ARFIP1: variants seen among roughly 807,000 people sequenced by gnomAD.
ARFIP1 encodes the protein ARF interacting protein 1, also known as arfaptin-1.
ARFIP1 carries 24 observed loss-of-function variants against 42.5 expected under a neutral mutation model. That is an observed-to-expected ratio of 0.57 (90% CI 0.41 to 0.80). ARFIP1 has a LOEUF of 0.80. Among genes scored for constraint, ARFIP1 ranks in the 30% least tolerant of loss-of-function variants. The pLI, the probability that ARFIP1 is intolerant of heterozygous loss-of-function variation, is 0.00. For synonymous variants in ARFIP1, 141 were observed against 153.7 expected (o/e 0.92, Z 0.61); for missense variants, 354 against 434.0 (o/e 0.82, Z 1.64).
At chr4:152,833,835 A>G (rs1166506876) in intron 2 of ARFIP1, among the ~76,000 whole-genome samples, 1 of 152,224 alleles carries the variant, frequency 6.6e-6, no homozygotes, top group Non-Finnish European at 1.5e-5. Flanking sequence ...AGTTGAATTC[A>G]TAGAAACAGA....
intron 1 of ARFIP1, among the ~76,000 whole-genome samples, chr4:152,795,820 A>ATTTTTTTTTTTTTTTTTTTTTTTTTT (rs56845391): frequency 3.2e-4 from 9 of 28,066 alleles, no homozygotes; most frequent in Admixed American, 6.2e-4. Context: ...GGCCCTTGTA[A>ATTTTTTTTTTTTTTTTTTTTTTTTTT]TTTTTTTTTT....
intron 2 of ARFIP1, among the ~76,000 whole-genome samples, chr4:152,840,663 G>T (rs1476839819): frequency 6.6e-6 from 1 of 151,728 alleles, no homozygotes; most frequent in Admixed American, 6.6e-5. Context: ...GTCTCCTGAA[G>T]GCAGCAGATG....
At chr4:152,819,303 C>T (rs557062209) in intron 1 of ARFIP1, among the ~76,000 whole-genome samples, 1 of 152,266 alleles carries the variant, frequency 6.6e-6, no homozygotes, top group African/African-American at 2.4e-5. Flanking sequence ...GCCTGCATCA[C>T]CCTGGCTAAC....
intron 1 of ARFIP1, among the ~76,000 whole-genome samples, chr4:152,801,865 A>C (rs1444128274): frequency 2.0e-5 from 3 of 152,158 alleles, no homozygotes; most frequent in Non-Finnish European, 2.9e-5. Flanking sequence ...TATATAGGTG[A>C]GGTTAAAAAT....
intron 5 of ARFIP1, among the ~76,000 whole-genome samples, chr4:152,878,555 G>A (rs1379641904): frequency 6.6e-6 from 1 of 152,156 alleles, no homozygotes; most frequent in Non-Finnish European, 1.5e-5. Context: ...GCTGAAAAGT[G>A]TAGATTTATC....
chr4:152,904,367 A>G (rs940413825), intron 8 of ARFIP1, among the ~76,000 whole-genome samples: 3 of 151,104 alleles, frequency 2.0e-5, no homozygotes, highest in African/African-American at 4.9e-5. Context: ...CATTTTTCGT[A>G]TTTTTAGTAG....
chr4:152,789,576 C>T (rs182563176), intron 1 of ARFIP1, among the ~76,000 whole-genome samples: 3 of 152,230 alleles, frequency 2.0e-5, no homozygotes, highest in East Asian at 3.9e-4. Flanking sequence ...TTATGCTTTA[C>T]CTCTTTAAGG....
intron 2 of ARFIP1, among the ~76,000 whole-genome samples, chr4:152,852,361 T>C (rs537062452): frequency 6.6e-6 from 1 of 152,294 alleles, no homozygotes; most frequent in South Asian, 2.1e-4. Context: ...CCAGGCGCGG[T>C]GGCTCATGCC....
At chr4:152,847,502 G>GT (rs1732659888) in intron 2 of ARFIP1, among the ~76,000 whole-genome samples, 1 of 151,614 alleles carries the variant, frequency 6.6e-6, no homozygotes, top group Non-Finnish European at 1.5e-5. Flanking sequence ...TATTATCTCA[G>GT]TTTTTTACAG....
intron 1 of ARFIP1, among the ~76,000 whole-genome samples, chr4:152,825,827 TC>T (rs1471802535): frequency 6.6e-6 from 1 of 151,062 alleles, no homozygotes; most frequent in Non-Finnish European, 1.5e-5. Flanking sequence ...AACAAGTAAT[TC>T]CATTAAAAAG....
chr4:152,841,266 C>G (rs1211577238), intron 2 of ARFIP1, among the ~76,000 whole-genome samples: 2 of 151,980 alleles, frequency 1.3e-5, no homozygotes, highest in Non-Finnish European at 2.9e-5. Flanking sequence ...AATCTCCTGA[C>G]CTCGTGATCC....
chr4:152,811,843 G>A (rs759045832), intron 1 of ARFIP1, among the ~76,000 whole-genome samples: 1 of 152,106 alleles, frequency 6.6e-6, no homozygotes, highest in Admixed American at 6.5e-5. Context: ...TTGGTTTGGG[G>A]CCTTATTCTG....
intron 8 of ARFIP1, among the ~76,000 whole-genome samples, chr4:152,904,624 C>T (rs1392152224): frequency 6.6e-6 from 1 of 152,126 alleles, no homozygotes; most frequent in Non-Finnish European, 1.5e-5. Flanking sequence ...GTTCAGCTCC[C>T]ACTTATAAGT....
chr4:152,860,997 T>C (rs1733846929), intron 2 of ARFIP1, among the ~76,000 whole-genome samples: 1 of 152,208 alleles, frequency 6.6e-6, no homozygotes, highest in South Asian at 2.1e-4. Flanking sequence ...TTGAACCAAA[T>C]TGGCTTTTTT....
At chr4:152,815,669 A>G (rs1400557685) in intron 1 of ARFIP1, among the ~76,000 whole-genome samples, 2 of 148,980 alleles carry the variant, frequency 1.3e-5, no homozygotes, top group East Asian at 3.9e-4. Flanking sequence ...ATTTTTCCTT[A>G]TCTCACATCT....
At chr4:152,793,237 A>G (rs1364313920) in intron 1 of ARFIP1, among the ~76,000 whole-genome samples, 2 of 151,280 alleles carry the variant, frequency 1.3e-5, no homozygotes, top group Admixed American at 6.6e-5. Flanking sequence ...TATGAAGTGG[A>G]TCAGAGCACT....
At chr4:152,868,917 A>ATTTT (rs1734636747) in intron 3 of ARFIP1, among the ~76,000 whole-genome samples, 1 of 152,218 alleles carries the variant, frequency 6.6e-6, no homozygotes, top group Non-Finnish European at 1.5e-5. Flanking sequence ...CTCTAATAAG[A>ATTTT]AACTATTTTA....
chr4:152,828,826 G>A (rs1268225260), intron 1 of ARFIP1, among the ~76,000 whole-genome samples: 1 of 152,098 alleles, frequency 6.6e-6, no homozygotes, highest in Non-Finnish European at 1.5e-5. Context: ...TTTCTCCTAT[G>A]CTCTCTTTAT....
intron 6 of ARFIP1, 66 bp downstream of exon 6, chr4:152,881,250 A>G: frequency 1.6e-6 from 2 of 1,255,720 alleles, no homozygotes; most frequent in Non-Finnish European, 2.2e-6. Flanking sequence ...CTAAGAGGTA[A>G]TTTGTTATTG....
Sources: allele counts gnomAD v4.1 joint callset (sites outside exome capture counted in the v4.1 genomes callset), GRCh38; gene constraint gnomAD v4.1.1; transcripts MANE v1.5; gene names NCBI Gene and HGNC (gene_info 2026-07-23, HGNC 2026-07-21).